Variants in TMEM108 observed in about 807,000 individuals in gnomAD.
The protein encoded by TMEM108 is transmembrane protein 108.
A neutral mutation model predicts 35.1 loss-of-function variants in TMEM108; 12 were observed. The ratio of observed to expected loss-of-function variants is 0.34; its 90% confidence interval spans 0.22 to 0.55. The LOEUF (loss-of-function observed/expected upper bound fraction) is 0.55, where lower values mean the gene tolerates loss of function less well. Among genes scored for constraint, TMEM108 ranks in the 20% least tolerant of loss-of-function variants. The pLI, the probability that TMEM108 is intolerant of heterozygous loss-of-function variation, is 0.89. For missense variants in TMEM108, 680 were observed against 753.3 expected, an observed-to-expected ratio of 0.90 and a Z score of 1.14; for synonymous variants, 287 against 308.6, an observed-to-expected ratio of 0.93 and a Z score of 0.73.
intron 2 of TMEM108, among the ~76,000 whole-genome samples, chr3:133,176,135 A>T (rs534572395): frequency 6.6e-6 from 1 of 152,370 alleles, no homozygotes; most frequent in African/African-American, 2.4e-5. Flanking sequence ...TCCTAAATAC[A>T]TATGCACCCA....
At chr3:133,099,099 T>C (rs1181960091) in intron 2 of TMEM108, among the ~76,000 whole-genome samples, 2 of 152,222 alleles carry the variant, frequency 1.3e-5, no homozygotes, top group Non-Finnish European at 2.9e-5. Flanking sequence ...TTTAGGCGTT[T>C]CCATTCATCT....
intron 2 of TMEM108, among the ~76,000 whole-genome samples, chr3:133,089,813 T>C (rs889919060): frequency 6.6e-6 from 1 of 152,234 alleles, no homozygotes; most frequent in African/African-American, 2.4e-5. Flanking sequence ...GGTCTGACTA[T>C]CTTGAATAGA....
At chr3:133,071,442 T>A (rs1326856811) in intron 2 of TMEM108, among the ~76,000 whole-genome samples, 1 of 152,226 alleles carries the variant, frequency 6.6e-6, no homozygotes, top group Non-Finnish European at 1.5e-5. Context: ...GAAATCATTT[T>A]AACTTAATTA....
chr3:133,390,405 C>T lies in TMEM108; in HGVS notation c.1605+71C>T, dbSNP rs536278747. 1.7e-5 allele frequency: 26 copies of T among 1,553,400 alleles called. No individual in the cohort carries two copies. The Admixed American group carries it at 2.4e-4, about 14-fold the overall frequency. On this transcript the variant is annotated intron_variant, in intron 5 of 5. Transcript: ENST00000321871. ...CAAAGAGAGCCATGGGGCATCTGCT[C>T]ATTTCTGAGTGCCTTGCTCCTTAAC...
intron 2 of TMEM108, among the ~76,000 whole-genome samples, chr3:133,151,709 A>C (rs1438919050): frequency 6.6e-6 from 1 of 152,198 alleles, no homozygotes; most frequent in Non-Finnish European, 1.5e-5. Flanking sequence ...TCATTGACAG[A>C]TCTTACTTTC....
intron 3 of TMEM108, among the ~76,000 whole-genome samples, chr3:133,301,248 A>C (rs993906993): frequency 2.6e-5 from 4 of 152,150 alleles, no homozygotes; most frequent in Non-Finnish European, 5.9e-5. Flanking sequence ...CTTAGGACCT[A>C]ATGAACATTA....
At chr3:133,340,560 T>C (rs531546566) in intron 3 of TMEM108, among the ~76,000 whole-genome samples, 2 of 151,538 alleles carry the variant, frequency 1.3e-5, no homozygotes, top group East Asian at 3.9e-4. Context: ...CCGAACTCAT[T>C]CTATAAGACC....
At chr3:133,205,899 A>G (rs1945745861) in intron 2 of TMEM108, among the ~76,000 whole-genome samples, 1 of 152,172 alleles carries the variant, frequency 6.6e-6, no homozygotes, top group South Asian at 2.1e-4. Context: ...GTGTTTTCCA[A>G]CTTGGTTCCA....
chr3:133,392,138 TTC>T (rs2073243380), intron 5 of TMEM108, among the ~76,000 whole-genome samples: 1 of 150,188 alleles, frequency 6.7e-6, no homozygotes, highest in African/African-American at 2.5e-5. Flanking sequence ...ACCACTTCTC[TTC>T]TTTTTTTTTT....
Position 133,062,154 on chromosome 3 carries a change from G to A in TMEM108, c.-47+16134G>A, listed in dbSNP as rs191107768. 1.2e-3 allele frequency among the ~76,000 whole-genome samples: 181 copies of A among 152,274 alleles called. 1 individual carries two copies. Among genetic ancestry groups the A allele is most frequent in the Non-Finnish European group, 1.0e-3 (70 of 68,012 alleles). Reference sequence around the variant, plus strand: ...AATTAGCTTTGCAAGTAAAATCAATGCTTAGTCATTCCTTCATCCAGTTTT... The same window carrying A: ...AATTAGCTTTGCAAGTAAAATCAATACTTAGTCATTCCTTCATCCAGTTTT... On this transcript the variant is annotated intron_variant, in intron 2 of 5. Transcript: ENST00000321871.
rs528022510 is a variant in TMEM108 at position 133,235,786 on chromosome 3, G to A, written c.40+6435G>A. ...TTTGGTCCTCACAACAACCTTGTAA[G>A]GCAAGTGGGGCATTATTATTGACCC... On this transcript the variant is annotated intron_variant, in intron 3 of 5. Transcript: ENST00000321871. Among the ~76,000 whole-genome samples the A allele has an allele frequency of 3.3e-5, 5 of 152,252 alleles. No individual in the cohort carries two copies. In the South Asian group the frequency reaches 1.0e-3, roughly 32 times the overall value.
At chr3:133,081,236 G>T (rs1174076332) in intron 2 of TMEM108, among the ~76,000 whole-genome samples, 1 of 152,196 alleles carries the variant, frequency 6.6e-6, no homozygotes, top group Non-Finnish European at 1.5e-5. Flanking sequence ...TTTTCTCACA[G>T]TTCTGAATGC....
At chr3:133,363,460 G>A (rs968234404) in intron 3 of TMEM108, among the ~76,000 whole-genome samples, 10 of 150,518 alleles carry the variant, frequency 6.6e-5, no homozygotes, top group African/African-American at 2.2e-4. Context: ...CATCCAAGCT[G>A]AAGTGCAGTA....
At chr3:133,039,637 T>C (rs1943249449) in intron 1 of TMEM108, among the ~76,000 whole-genome samples, 1 of 152,218 alleles carries the variant, frequency 6.6e-6, no homozygotes, top group South Asian at 2.1e-4. Flanking sequence ...CGGGTTAACT[T>C]CTTGATTTGT....
At chr3:133,126,145 A>G (rs1944412680) in intron 2 of TMEM108, among the ~76,000 whole-genome samples, 1 of 152,190 alleles carries the variant, frequency 6.6e-6, no homozygotes, top group South Asian at 2.1e-4. Flanking sequence ...AAGCCCAAGT[A>G]TATACTACTA....
intron 3 of TMEM108, among the ~76,000 whole-genome samples, chr3:133,355,033 G>A (rs1475174429): frequency 3.3e-5 from 5 of 152,128 alleles, no homozygotes; most frequent in Admixed American, 2.6e-4. Context: ...ATACAGTTTT[G>A]TGGGTCATAC....
At chr3:133,233,758 T>A (rs1946191208) in intron 3 of TMEM108, among the ~76,000 whole-genome samples, 1 of 151,050 alleles carries the variant, frequency 6.6e-6, no homozygotes. Flanking sequence ...GGTATCTCAT[T>A]GTGGTTTTGA....
At chr3:133,195,319 C>T (rs1298271185) in intron 2 of TMEM108, among the ~76,000 whole-genome samples, 3 of 152,146 alleles carry the variant, frequency 2.0e-5, no homozygotes, top group Admixed American at 2.0e-4. Context: ...AAGGGAGAGA[C>T]TAAGACAAGA....
intron 4 of TMEM108, among the ~76,000 whole-genome samples, chr3:133,384,675 T>A (rs2073100997): frequency 6.6e-6 from 1 of 152,172 alleles, no homozygotes; most frequent in African/African-American, 2.4e-5. Context: ...AGCCCACCAC[T>A]CTTGCCAGAA....
Sources: gnomAD v4.1 joint callset for allele counts (sites outside exome capture counted in the v4.1 genomes callset) on GRCh38, gnomAD v4.1.1 for gene constraint, MANE v1.5 for transcripts, NCBI Gene and HGNC (gene_info 2026-07-23, HGNC 2026-07-21) for gene names.